EYA4: variants seen among roughly 807,000 people sequenced by gnomAD.
The protein encoded by EYA4 is protein phosphatase EYA4.
EYA4 carries 31 observed loss-of-function variants against 87.9 expected under a neutral mutation model. The ratio of observed to expected loss-of-function variants is 0.35; its 90% CI spans 0.27 to 0.48. The LOEUF (loss-of-function observed/expected upper bound fraction) is 0.48. Among genes scored for constraint, EYA4 ranks in the 20% least tolerant of loss-of-function variants. The pLI is 0.99. For synonymous variants in EYA4, 263 were observed against 270.6 expected, an observed-to-expected ratio of 0.97 and a Z score of 0.28; for missense variants, 678 against 761.4, an observed-to-expected ratio of 0.89 and a Z score of 1.29.
At chr6:133,474,492 C>T (rs372296634) in intron 11 of EYA4, among the ~76,000 whole-genome samples, 4 of 152,026 alleles carry the variant, frequency 2.6e-5, no homozygotes, top group African/African-American at 9.7e-5. Flanking sequence ...TTTCATCAGG[C>T]CTTCATTGGT....
chr6:133,401,611 T>C (rs1788269836), intron 3 of EYA4, among the ~76,000 whole-genome samples: 1 of 152,182 alleles, frequency 6.6e-6, no homozygotes, highest in South Asian at 2.1e-4. Flanking sequence ...ATTCCCTTTC[T>C]TACTAACATC....
chr6:133,336,870 T>C (rs1012779664), intron 2 of EYA4, among the ~76,000 whole-genome samples: 3 of 152,128 alleles, frequency 2.0e-5, no homozygotes, highest in African/African-American at 7.2e-5. Context: ...TTTTTTTGCA[T>C]CTATGAAAAT....
chr6:133,381,296 G>A (rs1221405394), intron 2 of EYA4, among the ~76,000 whole-genome samples: 1 of 151,976 alleles, frequency 6.6e-6, no homozygotes, highest in East Asian at 1.9e-4. Context: ...TGTATTAAAA[G>A]CAAAAGACGG....
chr6:133,488,774 C>G (rs1266543863), intron 13 of EYA4, among the ~76,000 whole-genome samples: 1 of 152,110 alleles, frequency 6.6e-6, no homozygotes, highest in Non-Finnish European at 1.5e-5. Flanking sequence ...TCAGATACCT[C>G]AAAAGCCTTC....
chr6:133,467,659 A>AT lies in EYA4; in HGVS notation c.805-901dup, dbSNP rs779547098. Among the ~76,000 whole-genome samples the AT allele has an allele frequency of 4.3e-3, 647 of 152,042 alleles. 5 individuals carry two copies. Among genetic ancestry groups the AT allele is most frequent in the Non-Finnish European group, 6.1e-3 (413 of 67,942 alleles). On this transcript the variant is annotated intron_variant, in intron 10 of 19. Coordinates refer to ENST00000355286, the MANE Select transcript of EYA4 (RefSeq NM_004100.5). ...TTTACTTATAAAGATTATTTCTTTT[A>AT]TTTTTTGGAAACCACATCAAATGTA... is the stretch of plus-strand genomic sequence containing the variant.
intron 2 of EYA4, among the ~76,000 whole-genome samples, chr6:133,299,939 C>CTATATATATATATATATA (rs201050418): frequency 7.4e-6 from 1 of 134,652 alleles, no homozygotes; most frequent in Non-Finnish European, 1.6e-5. Context: ...ATCTATCTAT[C>CTATATATATATATATATA]TATCTATCTA....
intron 3 of EYA4, among the ~76,000 whole-genome samples, chr6:133,408,883 C>T (rs879265900): frequency 2.6e-5 from 4 of 152,134 alleles, no homozygotes; most frequent in Non-Finnish European, 4.4e-5. Flanking sequence ...TGATAAGGCT[C>T]ATGGAGGTGT....
At chr6:133,387,472 A>G (rs1786851740) in intron 3 of EYA4, among the ~76,000 whole-genome samples, 1 of 152,176 alleles carries the variant, frequency 6.6e-6, no homozygotes, top group South Asian at 2.1e-4. Context: ...GAAGGTTGGA[A>G]TATAGTTCTA....
intron 3 of EYA4, among the ~76,000 whole-genome samples, chr6:133,429,406 T>A (rs1234662612): frequency 6.6e-6 from 1 of 152,170 alleles, no homozygotes; most frequent in Non-Finnish European, 1.5e-5. Context: ...ATTAACATTG[T>A]CATATACCAA....
At chr6:133,251,289 T>C (rs1407498371) in intron 1 of EYA4, among the ~76,000 whole-genome samples, 1 of 152,132 alleles carries the variant, frequency 6.6e-6, no homozygotes, top group Admixed American at 6.5e-5. Context: ...ATTATGAGAA[T>C]TTGTATAATT....
chr6:133,530,590 T>C lies in EYA4; in HGVS notation c.*1785T>C, dbSNP rs1216649041. 1.0e-6 allele frequency: 1 copy of C among 985,760 alleles called. No individual in the cohort carries two copies. Among genetic ancestry groups the C allele is most frequent in the Non-Finnish European group, 1.2e-6 (1 of 829,962 alleles). 61.1% of individuals were successfully genotyped at this position (985,760 alleles called of 1,614,324 possible). Reference sequence around the variant, plus strand: ...CTCTGTGGCTTCAATAAAGTCTACATTTTGCTCACAGATCACAACATTCAC... The same window carrying C: ...CTCTGTGGCTTCAATAAAGTCTACACTTTGCTCACAGATCACAACATTCAC... On this transcript the variant is annotated 3_prime_UTR_variant, in exon 20 of 20. Coordinates refer to ENST00000355286, the MANE Select transcript of EYA4 (RefSeq NM_004100.5).
chr6:133,502,913 C>T (rs1029931570), intron 13 of EYA4, among the ~76,000 whole-genome samples: 2 of 152,142 alleles, frequency 1.3e-5, no homozygotes, highest in Admixed American at 6.5e-5. Context: ...TCCAGCAAAC[C>T]ACAAACCTAA....
At chr6:133,417,030 T>C (rs1430587708) in intron 3 of EYA4, among the ~76,000 whole-genome samples, 1 of 152,244 alleles carries the variant, frequency 6.6e-6, no homozygotes, top group Admixed American at 6.5e-5. Flanking sequence ...ATTGTTCCTA[T>C]TCTGATCGTT....
intron 10 of EYA4, among the ~76,000 whole-genome samples, chr6:133,466,414 A>G (rs1222169476): frequency 1.3e-5 from 2 of 152,110 alleles, no homozygotes; most frequent in Non-Finnish European, 1.5e-5. Flanking sequence ...GCTCATACCT[A>G]TTGAGTGCCC....
In EYA4 at chr6:133,456,743, G is replaced by A. The variant is rs542258804; in HGVS notation, c.370+95G>A. The A allele has an allele frequency of 2.9e-4, 231 of 791,638 alleles. 3 individuals carry two copies. In the South Asian group the frequency reaches 3.3e-3, roughly 11 times the overall value. The allele number at this position is 791,638 out of a possible 1,614,324, so 49.0% of individuals were successfully genotyped here. ...AGCAACATAAGCATCCAAGCTCTTA[G>A]AACTTTGATCCTTATAAAGTTAGAA... On this transcript the variant is annotated intron_variant, in intron 6 of 19. Transcript: ENST00000355286.
intron 2 of EYA4, among the ~76,000 whole-genome samples, chr6:133,321,567 T>C (rs952929155): frequency 1.3e-5 from 2 of 152,352 alleles, no homozygotes; most frequent in East Asian, 3.9e-4. Context: ...TTACTACCTA[T>C]TTGAAAATCC....
At chr6:133,287,053 G>A (rs953573386) in intron 2 of EYA4, among the ~76,000 whole-genome samples, 1 of 151,454 alleles carries the variant, frequency 6.6e-6, no homozygotes, top group African/African-American at 2.4e-5. Context: ...GTGTCGGGGG[G>A]ACCACAGATC....
Position 133,274,822 on chromosome 6 carries a change from T to G in EYA4, c.33+9T>G. On this transcript the variant is annotated intron_variant, in intron 2 of 19. Coordinates refer to ENST00000355286, the MANE Select transcript of EYA4 (RefSeq NM_004100.5). ...ATTTAAATGAACAATCAGTAAGTCT[T>G]CATTCTCAGTTTTGCTGAAAAAAGT... 6.2e-7 allele frequency: 1 copy of G among 1,612,898 alleles called. No individual in the cohort carries two copies. Among genetic ancestry groups the G allele is most frequent in the Middle Eastern group, 1.7e-4 (1 of 6,056 alleles).
At chr6:133,525,533 TTGTG>T (rs1312175228) in intron 19 of EYA4, among the ~76,000 whole-genome samples, 2 of 152,114 alleles carry the variant, frequency 1.3e-5, no homozygotes, top group African/African-American at 4.8e-5. Context: ...ACATATATAT[TTGTG>T]TGGGCATGTA....
Sources: allele counts gnomAD v4.1 joint callset (sites outside exome capture counted in the v4.1 genomes callset), GRCh38; gene constraint gnomAD v4.1.1; transcripts MANE v1.5; gene names NCBI Gene and HGNC (gene_info 2026-07-23, HGNC 2026-07-21).